BRAF: variants seen among roughly 807,000 people sequenced by gnomAD.
BRAF encodes B-Raf proto-oncogene, serine/threonine kinase, also known as serine/threonine-protein kinase B-raf.
In BRAF, 16 loss-of-function variants were observed where a neutral mutation model predicts 104.6. The ratio of observed to expected loss-of-function variants is 0.15; its 90% confidence interval spans 0.10 to 0.23. BRAF has a LOEUF of 0.23. Among genes scored for constraint, BRAF ranks in the 10% least tolerant of loss-of-function variants. The probability of loss-of-function intolerance (pLI) is 1.00; values close to 1 mark genes in which losing one functional copy is unlikely to be tolerated. For synonymous variants in BRAF, 310 were observed against 341.6 expected (o/e 0.91, Z 1.02); for missense variants, 541 against 937.3 (o/e 0.58, Z 5.52).
chr7:140,923,628 C>T (rs922074139), intron 1 of BRAF, among the ~76,000 whole-genome samples: 3 of 152,152 alleles, frequency 2.0e-5, no homozygotes, highest in Non-Finnish European at 4.4e-5. Flanking sequence ...GCCAGTAGTG[C>T]AAGCGCGAAA....
chr7:140,913,323 TACTAAG>T (rs1404942037), intron 1 of BRAF, among the ~76,000 whole-genome samples: 1 of 152,162 alleles, frequency 6.6e-6, no homozygotes, highest in Non-Finnish European at 1.5e-5. Context: ...TCAAGTGTAC[TACTAAG>T]CACCTAGATC....
intron 1 of BRAF, among the ~76,000 whole-genome samples, chr7:140,896,322 T>A (rs1217902264): frequency 6.6e-6 from 1 of 152,016 alleles, no homozygotes; most frequent in African/African-American, 2.4e-5. Context: ...AAAAATATAT[T>A]TTTTTCTAAA....
At chr7:140,756,414 G>C (rs1798209664) in intron 14 of BRAF, among the ~76,000 whole-genome samples, 1 of 152,118 alleles carries the variant, frequency 6.6e-6, no homozygotes, top group Non-Finnish European at 1.5e-5. Flanking sequence ...CTAGAGAAAT[G>C]GGATGAGACA....
At chr7:140,803,934 G>T (rs1458882553) in intron 5 of BRAF, among the ~76,000 whole-genome samples, 1 of 152,158 alleles carries the variant, frequency 6.6e-6, no homozygotes, top group Non-Finnish European at 1.5e-5. Context: ...GCCCAGGTTG[G>T]AGTACAGTGG....
At chr7:140,814,213 A>G (rs1300780791) in intron 3 of BRAF, among the ~76,000 whole-genome samples, 1 of 152,222 alleles carries the variant, frequency 6.6e-6, no homozygotes, top group Non-Finnish European at 1.5e-5. Context: ...GCCAGAGTCA[A>G]TGGAACCATG....
intron 19 of BRAF, among the ~76,000 whole-genome samples, chr7:140,729,062 CAA>C (rs764302395): frequency 5.6e-4 from 37 of 65,890 alleles, no homozygotes; most frequent in African/African-American, 1.1e-3. Context: ...GCTGTCTCTC[CAA>C]AAAAAAAAAA....
rs1795496023 is a variant in BRAF at position 140,724,552 on chromosome 7, G to C, written c.*1942C>G. 9.6e-7 allele frequency: 1 copy of C among 1,042,528 alleles called. No homozygotes were observed. Among genetic ancestry groups the C allele is most frequent in the African/African-American group, 1.7e-5 (1 of 59,796 alleles). 64.6% of individuals were successfully genotyped at this position (1,042,528 alleles called of 1,614,324 possible). ...TTTTCAAACTGATTAATAACTTAAG[G>C]ATCTTTTCCATTTTACTAGGACAAC... On this transcript the variant is annotated 3_prime_UTR_variant, in exon 20 of 20. Transcript: ENST00000644969.
intron 1 of BRAF, among the ~76,000 whole-genome samples, chr7:140,854,346 T>C (rs1450242829): frequency 2.6e-5 from 4 of 152,176 alleles, no homozygotes; most frequent in African/African-American, 9.7e-5. Context: ...TCATGATTTA[T>C]TTTGGTGTCT....
At chr7:140,752,114 A>C (rs1797841301) in intron 16 of BRAF, among the ~76,000 whole-genome samples, 1 of 152,252 alleles carries the variant, frequency 6.6e-6, no homozygotes, top group Admixed American at 6.5e-5. Context: ...AATAATAACA[A>C]GTAGATGTTA....
Position 140,758,946 on chromosome 7 carries a change from T to C in BRAF, c.1815-4713A>G, listed in dbSNP as rs183929531. 3.9e-5 allele frequency among the ~76,000 whole-genome samples: 6 copies of C among 152,368 alleles called. No homozygotes were observed. The East Asian group carries it at 1.2e-3, about 29-fold the overall frequency. On this transcript the variant is annotated intron_variant, in intron 14 of 19. Coordinates refer to ENST00000644969, the MANE Select transcript of BRAF (RefSeq NM_001374258.1). ...GCGATTAGTAACACCCCCTTTAGGCTTGGGAAACCATTGATAATGACTTCT... is the reference window on the plus strand; with the variant it reads ...GCGATTAGTAACACCCCCTTTAGGCCTGGGAAACCATTGATAATGACTTCT...
intron 5 of BRAF, among the ~76,000 whole-genome samples, chr7:140,805,545 A>G (rs60606756): frequency 0.068 from 10,383 of 152,108 alleles, 1,108 homozygotes; most frequent in African/African-American, 0.23. Context: ...TTTGGGTCAC[A>G]GCTTACACTT....
chr7:140,722,517 C>T lies in BRAF; in HGVS notation c.*3977G>A. 2 of 1,056,626 alleles carry T rather than the reference C, an allele frequency of 1.9e-6. No individual in the cohort carries two copies. The highest frequency in any genetic ancestry group is 2.3e-6 in the Non-Finnish European group (2 of 873,866). 65.5% of individuals were successfully genotyped at this position (1,056,626 alleles called of 1,614,324 possible). A position where few individuals can be genotyped will look rare whatever the true frequency, so the allele number is the denominator to read the frequency against. ...CAACTCATGACCTGTAAGCTATTTG[C>T]TGTTCATACTCACAGTAAACCTTCC... is the stretch of plus-strand genomic sequence containing the variant. On this transcript the variant is annotated 3_prime_UTR_variant, in exon 20 of 20. Coordinates refer to ENST00000644969, the MANE Select transcript of BRAF (RefSeq NM_001374258.1).
At chr7:140,763,434 C>T (rs1274114174) in intron 14 of BRAF, among the ~76,000 whole-genome samples, 1 of 152,054 alleles carries the variant, frequency 6.6e-6, no homozygotes, top group East Asian at 1.9e-4. Flanking sequence ...CCCTCACCTC[C>T]CGGACGAGGC....
chr7:140,892,896 G>A (rs1190149601), intron 1 of BRAF, among the ~76,000 whole-genome samples: 2 of 152,076 alleles, frequency 1.3e-5, no homozygotes, highest in Non-Finnish European at 2.9e-5. Flanking sequence ...AATTTATGTT[G>A]GGAACCAGTT....
chr7:140,834,322 T>A (rs1807090716), intron 3 of BRAF: 2 of 552,028 alleles, frequency 3.6e-6, no homozygotes, highest in Non-Finnish European at 6.4e-6. Flanking sequence ...CAAGCTCAAG[T>A]CTTAAAATCC....
At chr7:140,785,623 A>G (rs1443397374) in intron 10 of BRAF, 7 of 398,054 alleles carry the variant, frequency 1.8e-5, no homozygotes, top group Admixed American at 8.8e-5. Context: ...GGTGAGGCAC[A>G]AACAGCATCT....
intron 1 of BRAF, among the ~76,000 whole-genome samples, chr7:140,893,194 T>C (rs1283824140): frequency 6.6e-6 from 1 of 151,654 alleles, no homozygotes; most frequent in Non-Finnish European, 1.5e-5. Flanking sequence ...AGACAAGATG[T>C]CTGAGAAAAA....
At chr7:140,904,643 C>T (rs192847254) in intron 1 of BRAF, among the ~76,000 whole-genome samples, 2 of 152,258 alleles carry the variant, frequency 1.3e-5, no homozygotes, top group African/African-American at 2.4e-5. Flanking sequence ...GAGGGAGTCT[C>T]GCTCTCTCAG....
In BRAF at chr7:140,802,699, T is replaced by C. The variant is rs1358907359; in HGVS notation, c.712-1139A>G. Among the ~76,000 whole-genome samples, 3 of 152,164 alleles carry C rather than the reference T, an allele frequency of 2.0e-5. No individual in the cohort carries two copies. The East Asian group carries it at 5.8e-4, about 29-fold the overall frequency. Reference sequence around the variant, plus strand: ...AATAAGCACATAAAATATTTTTGTATAGCTATATAATGTTTTTAAACTTTT... The same window carrying C: ...AATAAGCACATAAAATATTTTTGTACAGCTATATAATGTTTTTAAACTTTT... On this transcript the variant is annotated intron_variant, in intron 5 of 19. Transcript: ENST00000644969.
Sources: gnomAD v4.1 joint callset for allele counts (sites outside exome capture counted in the v4.1 genomes callset) on GRCh38, gnomAD v4.1.1 for gene constraint, MANE v1.5 for transcripts, NCBI Gene and HGNC (gene_info 2026-07-23, HGNC 2026-07-21) for gene names.